The following CARD10 variants were observed in gnomAD, a reference collection of about 807,000 sequenced individuals.
The protein encoded by CARD10 is caspase recruitment domain-containing protein 10.
In CARD10, 49 loss-of-function variants were observed where a neutral mutation model predicts 114.6. The observed-to-expected ratio is 0.43, with a 90% CI of 0.34 to 0.54. The LOEUF is 0.54. Ranked by LOEUF, CARD10 falls within the 20% of genes least tolerant of loss-of-function variation. The pLI is 0.03. For missense variants in CARD10, 1,206 were observed against 1,397.2 expected (o/e 0.86, Z 2.18); for synonymous variants, 602 against 593.2 (o/e 1.01, Z -0.21).
In CARD10 at chr22:37,511,373, A is replaced by AAAAAGAAG. The variant is rs1555935881; in HGVS notation, c.700-960_700-953dup. Among the ~76,000 whole-genome samples, 43 of 141,848 alleles carry AAAAAGAAG rather than the reference A, an allele frequency of 3.0e-4. 1 individual carries two copies. In the East Asian group the frequency reaches 9.2e-3, roughly 30 times the overall value. 93.1% of individuals were successfully genotyped at this position (141,848 alleles called of 152,430 possible). ...ACCCTGTCTCAAAAAAAAAAAAAAA[A>AAAAAGAAG]AAAAGAAGAAGAAGGAGAAGGGGGT... On this transcript the variant is annotated intron_variant, in intron 3 of 19. Coordinates refer to ENST00000251973, the MANE Select transcript of CARD10 (RefSeq NM_014550.4).
chr22:37,499,591 G>A (rs1923138853), intron 11 of CARD10, among the ~76,000 whole-genome samples: 1 of 151,880 alleles, frequency 6.6e-6, no homozygotes, highest in South Asian at 2.1e-4. Context: ...TTCAACTCAG[G>A]TTTTTCAGGC....
At chr22:37,506,832 C>G (rs576197908) in intron 6 of CARD10, among the ~76,000 whole-genome samples, 1 of 152,332 alleles carries the variant, frequency 6.6e-6, no homozygotes, top group African/African-American at 2.4e-5. Flanking sequence ...ATGGTCCAGA[C>G]CTGTCACCCA....
At position 37,491,795 on chromosome 22, in the gene CARD10, T is replaced by C; in HGVS notation, c.2824A>G (p.Ile942Val). The change falls in exon 19 of 20, where the codon ATC (isoleucine) becomes GTC (valine). Residue 942 changes from isoleucine to valine, a missense_variant. Physicochemically the swap from Ile to Val is conservative, Grantham distance 29 (BLOSUM62 3). Around this residue, in one of 2 missense-constraint regions of CARD10, gnomAD observed 1,068 missense variants for 1,179.1 expected, o/e 0.91. Transcript: ENST00000251973. ...LVQNEIYPIV[I>V]HVEVTEKNVR... ...TTCTTCTCAGTCACCTCCACGTGGA[T>C]GACGATGGGGTAGATCTCGTTCTGC... 1.3e-6 allele frequency: 2 copies of C among 1,589,338 alleles called. No individual in the cohort carries two copies. The highest frequency in any genetic ancestry group is 8.6e-7 in the Non-Finnish European group (1 of 1,167,478).
In CARD10 at chr22:37,496,006, G is replaced by A; in HGVS notation, c.2060-3C>T. On this transcript the variant is annotated splice_polypyrimidine_tract_variant and splice_region_variant and intron_variant, in intron 13 of 19. Coordinates refer to ENST00000251973, the MANE Select transcript of CARD10 (RefSeq NM_014550.4). The surrounding 1 kb of genome is among the most constrained non-coding windows in gnomAD (Gnocchi z 4.1). ...GGCCTCGTGGAAGGACTGGCAGGCTGGGCATGGATGGGGCAGGGGGCAGCA... is the reference window on the plus strand; with the variant it reads ...GGCCTCGTGGAAGGACTGGCAGGCTAGGCATGGATGGGGCAGGGGGCAGCA... 1.9e-6 allele frequency: 3 copies of A among 1,613,336 alleles called. No homozygotes were observed. The highest frequency in any genetic ancestry group is 2.2e-5 in the South Asian group (2 of 91,068).
chr22:37,516,442 C>A lies in CARD10; in HGVS notation c.374-144G>T, dbSNP rs1601820544. On this transcript the variant is annotated intron_variant, in intron 2 of 19. Coordinates refer to ENST00000251973, the MANE Select transcript of CARD10 (RefSeq NM_014550.4). ...TTGTAGAATTGGGAGCAGGGGAGGT[C>A]TTCCTAAACAACACACAAAATCCAG... is the stretch of plus-strand genomic sequence containing the variant. 3 of 594,270 alleles carry A rather than the reference C, an allele frequency of 5.0e-6. No homozygotes were observed. The African/African-American group carries it at 5.6e-5, about 11-fold the overall frequency. The allele number at this position is 594,270 out of a possible 1,614,324, so 36.8% of individuals were successfully genotyped here. A position where few individuals can be genotyped will look rare whatever the true frequency, so the allele number is the denominator to read the frequency against.
intron 6 of CARD10, among the ~76,000 whole-genome samples, chr22:37,506,736 C>G (rs1209834722): frequency 6.6e-6 from 1 of 152,146 alleles, no homozygotes. Flanking sequence ...GGCTTCACTC[C>G]CAGCATCCCA....
chr22:37,509,625 G>A (rs4420795), intron 4 of CARD10, among the ~76,000 whole-genome samples: 66,442 of 147,390 alleles, frequency 0.45, 15,197 homozygotes, highest in Middle Eastern at 0.58. Context: ...CCTGCTGCAG[G>A]CCCTCCTGAC....
At chr22:37,513,132 A>G (rs1923719133) in intron 3 of CARD10, among the ~76,000 whole-genome samples, 1 of 152,000 alleles carries the variant, frequency 6.6e-6, no homozygotes, top group Admixed American at 6.5e-5. Flanking sequence ...GTTTTTTGAG[A>G]CAGAGTCTCG....
rs767113543 is a variant in CARD10, at chr22:37,516,279, G to A, written c.393C>T (p.Gly131=). ...CCTCTGTCATCAAGAATTGGGTCAG[G>A]CCCTCAGGCCCCTCCTCATCTGCCA... is the stretch of plus-strand genomic sequence containing the variant. The part of the protein sequence containing the change: ...SMILDEEGPE[G]LTQFLMTEVR... The change falls in exon 3 of 20, where the codon GGC becomes GGT. Residue 131 remains glycine (G), a synonymous_variant. Transcript: ENST00000251973. 4 of 1,595,308 alleles carry A rather than the reference G, an allele frequency of 2.5e-6. No homozygotes were observed. Among genetic ancestry groups the A allele is most frequent in the Non-Finnish European group, 2.6e-6 (3 of 1,170,784 alleles).
chr22:37,499,261 C>A (rs1923125707), intron 11 of CARD10, among the ~76,000 whole-genome samples: 1 of 152,122 alleles, frequency 6.6e-6, no homozygotes, highest in African/African-American at 2.4e-5. Flanking sequence ...CTCAGCTCCA[C>A]CCACCTCCCT....
At chr22:37,508,348 G>A (rs960389978) in intron 5 of CARD10, among the ~76,000 whole-genome samples, 179 bp downstream of exon 5, 1 of 152,240 alleles carries the variant, frequency 6.6e-6, no homozygotes, top group African/African-American at 2.4e-5. Context: ...AGGCACCTTT[G>A]TTTTGCTCAC....
chr22:37,517,178 TG>T (rs1006155228), intron 2 of CARD10, among the ~76,000 whole-genome samples: 1 of 152,166 alleles, frequency 6.6e-6, no homozygotes, highest in African/African-American at 2.4e-5. Flanking sequence ...CAACTGGAAA[TG>T]GGTTAAATGA....
intron 6 of CARD10, among the ~76,000 whole-genome samples, chr22:37,506,878 G>A (rs1489208703): frequency 6.6e-6 from 1 of 152,216 alleles, no homozygotes; most frequent in Non-Finnish European, 1.5e-5. Flanking sequence ...CCCATAAAAT[G>A]CAGATTCCTG....
At chr22:37,504,833 T>A in intron 7 of CARD10, 64 bp from the exon 8 acceptor site, 1 of 997,500 alleles carries the variant, frequency 1.0e-6, no homozygotes, top group Non-Finnish European at 1.4e-6. Flanking sequence ...CACAGTCCTT[T>A]ACTGAGCACC....
chr22:37,503,156 C>A (rs375128744), intron 10 of CARD10, 29 bp downstream of exon 10: 2 of 1,608,616 alleles, frequency 1.2e-6, no homozygotes, highest in South Asian at 2.2e-5. Context: ...ACCAGAGGAG[C>A]CCTCCCCACG....
intron 3 of CARD10, among the ~76,000 whole-genome samples, chr22:37,515,181 T>C (rs759238778): frequency 3.3e-5 from 5 of 152,222 alleles, no homozygotes; most frequent in Non-Finnish European, 7.3e-5. Context: ...TTAACCTATG[T>C]GTCTCTTGAT....
At chr22:37,497,638 C>T (rs1250997694) in intron 11 of CARD10, among the ~76,000 whole-genome samples, 2 of 152,008 alleles carry the variant, frequency 1.3e-5, no homozygotes, top group African/African-American at 2.4e-5. Context: ...CCGAGGCAGG[C>T]GGATCATGAG....
intron 1 of CARD10, among the ~76,000 whole-genome samples, chr22:37,518,386 C>A (rs1051135817): frequency 3.3e-5 from 5 of 152,196 alleles, no homozygotes; most frequent in African/African-American, 1.2e-4. Context: ...TTTTCAATGG[C>A]ACAGAGAAGC....
intron 4 of CARD10, chr22:37,509,299 A>C: frequency 5.1e-6 from 3 of 586,272 alleles, no homozygotes; most frequent in African/African-American, 1.9e-5. Context: ...CCCTCTACAA[A>C]TCAAATTAAA....
Sources: allele counts gnomAD v4.1 joint callset (sites outside exome capture counted in the v4.1 genomes callset), GRCh38; gene constraint gnomAD v4.1.1; regional missense constraint gnomAD v4.1.1; non-coding constraint Gnocchi (gnomAD v3.1); transcripts MANE v1.5; gene names NCBI Gene and HGNC (gene_info 2026-07-23, HGNC 2026-07-21).